Variants in SLC7A9 observed in about 807,000 individuals in gnomAD.
The protein encoded by SLC7A9 is B(0,+)-type amino acid transporter 1.
A neutral mutation model predicts 54.1 loss-of-function variants in SLC7A9; 38 were observed. The ratio of observed to expected loss-of-function variants is 0.70; its 90% confidence interval spans 0.54 to 0.92. SLC7A9 has a LOEUF of 0.92. Ranked by LOEUF, SLC7A9 falls within the 40% of genes least tolerant of loss-of-function variation. SLC7A9 has a pLI of 0.00. For synonymous variants in SLC7A9, 264 were observed against 258.9 expected (o/e 1.02, Z -0.19); for missense variants, 537 against 636.1 (o/e 0.84, Z 1.68).
intron 9 of SLC7A9, among the ~76,000 whole-genome samples, chr19:32,857,959 C>T (rs932808552): frequency 1.3e-5 from 2 of 151,994 alleles, no homozygotes; most frequent in African/African-American, 4.8e-5. Context: ...ACCATCTGGC[C>T]CTTTAAGGGA....
intron 9 of SLC7A9, among the ~76,000 whole-genome samples, chr19:32,855,070 GAATAAA>G (rs1405892624): frequency 6.6e-6 from 1 of 152,110 alleles, no homozygotes; most frequent in African/African-American, 2.4e-5. Flanking sequence ...ACAGATGAAT[GAATAAA>G]AATAATGTAA....
chr19:32,864,581 T>C, intron 3 of SLC7A9, 48 bp downstream of exon 3: 1 of 1,606,328 alleles, frequency 6.2e-7, no homozygotes, highest in Non-Finnish European at 8.5e-7. Context: ...CTGCCTGGCG[T>C]GCCCCTGCAT....
At chr19:32,859,382 A>C (rs1300370438) in intron 8 of SLC7A9, among the ~76,000 whole-genome samples, 1 of 151,924 alleles carries the variant, frequency 6.6e-6, no homozygotes, top group Non-Finnish European at 1.5e-5. Flanking sequence ...TCTTGTGGTC[A>C]GTGACCTCAA....
chr19:32,838,859 C>T (rs1968048141), intron 11 of SLC7A9, among the ~76,000 whole-genome samples: 1 of 149,208 alleles, frequency 6.7e-6, no homozygotes, highest in Non-Finnish European at 1.5e-5. Flanking sequence ...ATATATAGTA[C>T]ACATATATGT....
intron 9 of SLC7A9, among the ~76,000 whole-genome samples, chr19:32,850,545 A>T (rs1301927859): frequency 6.6e-6 from 1 of 151,970 alleles, no homozygotes; most frequent in Non-Finnish European, 1.5e-5. Context: ...AAACAAATGG[A>T]AGAACATTCC....
intron 8 of SLC7A9, among the ~76,000 whole-genome samples, chr19:32,859,242 C>T (rs1273836314): frequency 1.3e-5 from 2 of 152,086 alleles, no homozygotes; most frequent in Non-Finnish European, 1.5e-5. Context: ...AGACCACAGG[C>T]ACTCGCCACC....
At chr19:32,863,272 AC>A (rs1568530993) in intron 4 of SLC7A9, among the ~76,000 whole-genome samples, 1 of 142,218 alleles carries the variant, frequency 7.0e-6, no homozygotes, top group Non-Finnish European at 1.5e-5. Context: ...CTACCCCACC[AC>A]CCCCCTCCCC....
intron 11 of SLC7A9, among the ~76,000 whole-genome samples, chr19:32,841,599 T>C (rs1968128603): frequency 6.6e-6 from 1 of 151,534 alleles, no homozygotes; most frequent in South Asian, 2.1e-4. Flanking sequence ...CTATGAAAAA[T>C]ATATGTGCGA....
chr19:32,864,415 G>A, intron 3 of SLC7A9, 77 bp from the exon 4 acceptor site: 1 of 1,597,614 alleles, frequency 6.3e-7, no homozygotes, highest in Non-Finnish European at 8.5e-7. Flanking sequence ...CCTCCCACCG[G>A]AGGCTGCGCT....
chr19:32,865,956 C>T, intron 2 of SLC7A9, among the ~76,000 whole-genome samples: 1 of 78,174 alleles, frequency 1.3e-5, no homozygotes, highest in East Asian at 5.6e-4. Context: ...GTGAGACTGT[C>T]TCAAAAAAAA....
chr19:32,850,235 T>G (rs1323389769), intron 9 of SLC7A9, among the ~76,000 whole-genome samples: 7 of 149,778 alleles, frequency 4.7e-5, no homozygotes, highest in South Asian at 2.2e-4. Context: ...AAAGAGGAAG[T>G]CAAATTGTCC....
At chr19:32,849,687 C>A (rs1158433780) in intron 9 of SLC7A9, among the ~76,000 whole-genome samples, 2 of 150,530 alleles carry the variant, frequency 1.3e-5, no homozygotes, top group African/African-American at 2.4e-5. Flanking sequence ...TTTATGAGGC[C>A]AGCATCATCC....
At chr19:32,855,171 T>C (rs1291852303) in intron 9 of SLC7A9, among the ~76,000 whole-genome samples, 1 of 152,194 alleles carries the variant, frequency 6.6e-6, no homozygotes. Flanking sequence ...CTAGAGAACA[T>C]TATGCTAAGT....
intron 6 of SLC7A9, among the ~76,000 whole-genome samples, chr19:32,861,175 A>G (rs1968789668): frequency 6.6e-6 from 1 of 152,088 alleles, no homozygotes; most frequent in East Asian, 1.9e-4. Flanking sequence ...CTAAAAATAC[A>G]AAAATTAGCC....
chr19:32,864,411 AC>A, intron 3 of SLC7A9, 73 bp from the exon 4 acceptor site: 1 of 1,599,524 alleles, frequency 6.3e-7, no homozygotes, highest in Non-Finnish European at 8.5e-7. Flanking sequence ...CCTTCCTCCC[AC>A]CGGAGGCTGC....
At chr19:32,844,857 CAAAAAAAAAAA>C (rs386388892) in intron 9 of SLC7A9, among the ~76,000 whole-genome samples, 545 of 30,312 alleles carry the variant, frequency 0.018, 16 homozygotes, top group African/African-American at 0.056. Flanking sequence ...GAATCCATCT[CAAAAAAAAAAA>C]AAAAAAAAAA....
At chr19:32,855,527 A>T (rs113178246) in intron 9 of SLC7A9, among the ~76,000 whole-genome samples, 1 of 151,900 alleles carries the variant, frequency 6.6e-6, no homozygotes, top group Admixed American at 6.6e-5. Context: ...GTGAAACCCC[A>T]TCTCTACTAA....
intron 2 of SLC7A9, among the ~76,000 whole-genome samples, chr19:32,868,154 C>T (rs1392469487): frequency 1.4e-5 from 2 of 143,620 alleles, no homozygotes; most frequent in Non-Finnish European, 3.0e-5. Flanking sequence ...TCCCTTGAAC[C>T]GGGGAGGTGA....
Position 32,842,308 on chromosome 19 carries a change from C to T in SLC7A9, c.1084G>A (p.Ala362Thr). The change falls in exon 11 of 13, where the codon GCA becomes ACA. Residue 362 changes from alanine (A) to threonine (T), a missense_variant. By Grantham distance (58) the Ala-to-Thr change is moderately conservative. Transcript: ENST00000023064. ...TCACCAGGGATGATATAAATCGTTG[C>T]TATGATACCCTAATAGAAAGAAGAA... The part of the protein sequence containing the change: ...APAIIFYGII[A>T]TIYIIPGDIN... 1 of 1,613,408 alleles carries T rather than the reference C, an allele frequency of 6.2e-7. No individual in the cohort carries two copies. Among genetic ancestry groups the T allele is most frequent in the African/African-American group, 1.3e-5 (1 of 75,028 alleles).
Sources: gnomAD v4.1 joint callset for allele counts (sites outside exome capture counted in the v4.1 genomes callset) on GRCh38, gnomAD v4.1.1 for gene constraint, MANE v1.5 for transcripts, NCBI Gene and HGNC (gene_info 2026-07-23, HGNC 2026-07-21) for gene names.